THOC7: variants seen among roughly 807,000 people sequenced by gnomAD.
THOC7 encodes the protein NIF3L1-binding protein 1.
In THOC7, 22 loss-of-function variants were observed where a neutral mutation model predicts 33.1. That is an observed-to-expected ratio of 0.66 (90% confidence interval 0.47 to 0.95). The LOEUF (loss-of-function observed/expected upper bound fraction) is 0.95. Among genes scored for constraint, THOC7 ranks in the 40% least tolerant of loss-of-function variants. The probability of loss-of-function intolerance (pLI) is 0.00; values close to 1 mark genes in which losing one functional copy is unlikely to be tolerated. For missense variants in THOC7, 184 were observed against 245.3 expected, an observed-to-expected ratio of 0.75 and a Z score of 1.67; for synonymous variants, 77 against 76.8, an observed-to-expected ratio of 1.00 and a Z score of -0.01.
At chr3:63,852,457 T>C (rs1702037931) in intron 1 of THOC7, among the ~76,000 whole-genome samples, 3 of 152,184 alleles carry the variant, frequency 2.0e-5, no homozygotes, top group Admixed American at 6.5e-5. Context: ...TGTTAGCTGT[T>C]GTTAAAAAAG....
intron 1 of THOC7, chr3:63,854,649 T>C (rs986003525): frequency 6.6e-6 from 1 of 152,212 alleles, no homozygotes; most frequent in Non-Finnish European, 1.5e-5. Context: ...TTTAGGCTTG[T>C]AGGACAATGG....
intron 1 of THOC7, among the ~76,000 whole-genome samples, chr3:63,856,281 G>A (rs978144865): frequency 6.6e-6 from 1 of 151,860 alleles, no homozygotes; most frequent in Non-Finnish European, 1.5e-5. Context: ...GGGGAGGGGC[G>A]GGGATGCTTA....
chr3:63,863,354 C>T, intron 1 of THOC7: 1 of 779,770 alleles, frequency 1.3e-6, no homozygotes, highest in South Asian at 5.9e-5. Flanking sequence ...CTAAGCCCGG[C>T]ACCACTGTCC....
chr3:63,844,934 T>C, intron 1 of THOC7: 2 of 584,074 alleles, frequency 3.4e-6, no homozygotes, highest in South Asian at 4.3e-5. Flanking sequence ...TACCTGAAAA[T>C]GTGGAAGCGG....
intron 1 of THOC7, among the ~76,000 whole-genome samples, chr3:63,852,934 T>C (rs1485879442): frequency 6.6e-6 from 1 of 152,044 alleles, no homozygotes; most frequent in Non-Finnish European, 1.5e-5. Flanking sequence ...GCAGATCACT[T>C]GAGGTCAGGA....
At chr3:63,839,171 C>A (rs936075086) in intron 2 of THOC7, among the ~76,000 whole-genome samples, 2 of 152,026 alleles carry the variant, frequency 1.3e-5, no homozygotes, top group African/African-American at 4.8e-5. Flanking sequence ...GCCTGAACAA[C>A]AGAATGAGAC....
chr3:63,847,085 C>T (rs187753687), intron 1 of THOC7, among the ~76,000 whole-genome samples: 69 of 152,036 alleles, frequency 4.5e-4, no homozygotes, highest in Non-Finnish European at 7.5e-4. Flanking sequence ...ATTGCGTAGG[C>T]GAATAGGAAG....
chr3:63,848,323 C>T (rs1160808599), intron 1 of THOC7: 1 of 152,126 alleles, frequency 6.6e-6, no homozygotes, highest in Non-Finnish European at 1.5e-5. Flanking sequence ...GCCTCCACAA[C>T]CCCTTATTTC....
intron 1 of THOC7, among the ~76,000 whole-genome samples, chr3:63,861,252 G>A (rs1244675286): frequency 6.6e-6 from 1 of 152,152 alleles, no homozygotes; most frequent in African/African-American, 2.4e-5. Flanking sequence ...CTTGACTGCA[G>A]TCATTACTTT....
chr3:63,836,267 G>T (rs1259810360), intron 5 of THOC7, 34 bp downstream of exon 5: 4 of 1,601,748 alleles, frequency 2.5e-6, no homozygotes, highest in Admixed American at 1.7e-5. Context: ...ATGTATAAAG[G>T]TTAGTTCCTT....
intron 7 of THOC7, among the ~76,000 whole-genome samples, chr3:63,834,831 C>A (rs1234864136): frequency 6.6e-6 from 1 of 152,042 alleles, no homozygotes; most frequent in Non-Finnish European, 1.5e-5. Flanking sequence ...GTACTGATTT[C>A]TTATTATTGC....
chr3:63,841,964 G>A (rs982650055), intron 1 of THOC7, among the ~76,000 whole-genome samples: 2 of 152,120 alleles, frequency 1.3e-5, no homozygotes, highest in African/African-American at 4.8e-5. Flanking sequence ...ATCTCCAACT[G>A]TATTGAGGAC....
At chr3:63,844,651 G>A (rs917251072) in intron 1 of THOC7, among the ~76,000 whole-genome samples, 5 of 152,078 alleles carry the variant, frequency 3.3e-5, no homozygotes, top group African/African-American at 9.7e-5. Context: ...TAGTAATCTC[G>A]GAGTGAGCTC....
intron 2 of THOC7, among the ~76,000 whole-genome samples, chr3:63,838,778 T>C (rs948843088): frequency 6.6e-6 from 1 of 152,230 alleles, no homozygotes; most frequent in African/African-American, 2.4e-5. Context: ...TAAAAGACTT[T>C]AGAAATACTT....
At chr3:63,855,960 C>A (rs114735009) in intron 1 of THOC7, among the ~76,000 whole-genome samples, 39 of 152,224 alleles carry the variant, frequency 2.6e-4, no homozygotes, top group Middle Eastern at 3.4e-3. Flanking sequence ...CAAGATATAC[C>A]AAAATTAAAG....
intron 1 of THOC7, among the ~76,000 whole-genome samples, chr3:63,852,054 C>T (rs566555200): frequency 6.6e-6 from 1 of 152,278 alleles, no homozygotes; most frequent in South Asian, 2.1e-4. Context: ...GCTCCTCGGC[C>T]ACCCCAGTTG....
chr3:63,838,772 A>C (rs1476610925), intron 2 of THOC7, among the ~76,000 whole-genome samples: 1 of 152,222 alleles, frequency 6.6e-6, no homozygotes, highest in Admixed American at 6.5e-5. Flanking sequence ...TTTGTTTAAA[A>C]GACTTTAGAA....
At chr3:63,856,815 T>A (rs1428467186) in intron 1 of THOC7, among the ~76,000 whole-genome samples, 8 of 152,134 alleles carry the variant, frequency 5.3e-5, no homozygotes, top group Non-Finnish European at 1.2e-4. Flanking sequence ...CCTCCCAGGT[T>A]CATGCCACTC....
At chr3:63,852,358 G>C (rs1702036591) in intron 1 of THOC7, among the ~76,000 whole-genome samples, 1 of 152,192 alleles carries the variant, frequency 6.6e-6, no homozygotes, top group African/African-American at 2.4e-5. Flanking sequence ...AGAGAAGGCA[G>C]TATAAGTGGG....
Sources: allele counts gnomAD v4.1 joint callset (sites outside exome capture counted in the v4.1 genomes callset), GRCh38; gene constraint gnomAD v4.1.1; transcripts MANE v1.5; gene names NCBI Gene and HGNC (gene_info 2026-07-23, HGNC 2026-07-21).